MYO10: variants seen among roughly 807,000 people sequenced by gnomAD.
The protein encoded by MYO10 is unconventional myosin-X.
In MYO10, 133 loss-of-function variants were observed where a neutral mutation model predicts 257.3. The ratio of observed to expected loss-of-function variants is 0.52; its 90% CI spans 0.45 to 0.60. The LOEUF (loss-of-function observed/expected upper bound fraction) is 0.60. MYO10 is among the 20% of genes least tolerant of loss of function. The pLI, the probability that MYO10 is intolerant of heterozygous loss-of-function variation, is 0.00. For synonymous variants in MYO10, 1,104 were observed against 1,028.6 expected (o/e 1.07, Z -1.40); for missense variants, 2,399 against 2,635.7 (o/e 0.91, Z 1.97).
chr5:16,673,139 T>A (rs1189530978), intron 36 of MYO10, among the ~76,000 whole-genome samples: 1 of 151,972 alleles, frequency 6.6e-6, no homozygotes, highest in African/African-American at 2.4e-5. Flanking sequence ...CAGTCCTGTC[T>A]TTTGGCTGAT....
chr5:16,771,808 T>C (rs2126659869), intron 9 of MYO10, among the ~76,000 whole-genome samples: 1 of 151,620 alleles, frequency 6.6e-6, no homozygotes, highest in South Asian at 2.1e-4. Context: ...CTCAAACTCC[T>C]GCGCTCAAGC....
At chr5:16,733,534 C>A (rs138011643) in intron 19 of MYO10, among the ~76,000 whole-genome samples, 1 of 152,190 alleles carries the variant, frequency 6.6e-6, no homozygotes, top group East Asian at 1.9e-4. Context: ...GGCAAGTCCT[C>A]GGTAAATTCT....
chr5:16,783,211 G>A, intron 5 of MYO10, 124 bp downstream of exon 5: 1 of 989,982 alleles, frequency 1.0e-6, no homozygotes, highest in Admixed American at 3.1e-5. Context: ...TTTTCTTAAG[G>A]AATTGTAAAA....
chr5:16,680,759 C>T (rs781248791), intron 32 of MYO10, among the ~76,000 whole-genome samples: 4 of 152,188 alleles, frequency 2.6e-5, no homozygotes, highest in Admixed American at 6.5e-5. Context: ...TTATCTTTTA[C>T]AGGTTGCATA....
intron 11 of MYO10, among the ~76,000 whole-genome samples, chr5:16,765,198 G>A (rs1056828841): frequency 1.9e-4 from 29 of 152,276 alleles, no homozygotes; most frequent in African/African-American, 6.7e-4. Context: ...GTCTGTGTGG[G>A]TGACATCTGA....
chr5:16,733,085 G>A (rs113612345), intron 19 of MYO10, among the ~76,000 whole-genome samples: 11,285 of 152,272 alleles, frequency 0.074, 547 homozygotes, highest in South Asian at 0.14. Context: ...AGTGAGCTGA[G>A]ATCGTGCCAT....
At chr5:16,716,245 C>T (rs1738865268) in intron 19 of MYO10, among the ~76,000 whole-genome samples, 1 of 151,942 alleles carries the variant, frequency 6.6e-6, no homozygotes, top group African/African-American at 2.4e-5. Flanking sequence ...CTGAAAAATA[C>T]TATTTCAGAA....
Position 16,751,821 on chromosome 5 carries a change from G to A in MYO10, c.1929+3007C>T, listed in dbSNP as rs114076254. On this transcript the variant is annotated intron_variant, in intron 19 of 40. Coordinates refer to ENST00000513610, the MANE Select transcript of MYO10 (RefSeq NM_012334.3). ...AAGGGCACCAAGACATTCTTGGAAA[G>A]GTTTCTATAGCCTATCACTGGTGCG... is the stretch of plus-strand genomic sequence containing the variant. Among the ~76,000 whole-genome samples the A allele has an allele frequency of 3.4e-3, 511 of 152,180 alleles. 1 individual carries two copies. Among genetic ancestry groups the A allele is most frequent in the African/African-American group, 0.012 (490 of 41,532 alleles).
At chr5:16,672,663 T>C (rs1195265735) in intron 37 of MYO10, 26 bp downstream of exon 37, 2 of 1,613,630 alleles carry the variant, frequency 1.2e-6, no homozygotes, top group East Asian at 2.2e-5. Flanking sequence ...TTTGCTCTTC[T>C]GACACAGTAG....
Position 16,703,087 on chromosome 5 carries a change from C to A in MYO10, c.2348G>T (p.Arg783Met). 1 of 1,579,546 alleles carries A rather than the reference C, an allele frequency of 6.3e-7. No individual in the cohort carries two copies. The highest frequency in any genetic ancestry group is 8.6e-7 in the Non-Finnish European group (1 of 1,161,112). The change falls in exon 23 of 41, where the codon AGG becomes ATG. Residue 783 changes from arginine to methionine, a missense_variant. Around this residue, in one of 3 missense-constraint regions of MYO10, gnomAD observed 1,820 missense variants for 1,939.4 expected, o/e 0.94. Transcript: ENST00000513610. ...QKNYRAFLLR[R>M]RFLHLKKAAI... ...TGCCTTTTTCAGGTGCAAAAATCTC[C>A]TCCTCAGAAGGAATGCTCTGTAATT...
At chr5:16,855,299 TAATGTCCCGAACAGGG>T (rs942759089) in intron 2 of MYO10, among the ~76,000 whole-genome samples, 1 of 152,232 alleles carries the variant, frequency 6.6e-6, no homozygotes, top group African/African-American at 2.4e-5. Context: ...CCATTGCAGA[TAATGTCCCGAACAGGG>T]AACATCCAAA....
intron 19 of MYO10, among the ~76,000 whole-genome samples, chr5:16,716,336 TGCA>T (rs1738870058): frequency 1.3e-5 from 2 of 151,974 alleles, no homozygotes; most frequent in Middle Eastern, 3.2e-3. Flanking sequence ...CCTTACCTCC[TGCA>T]GCTTATTTAG....
Position 16,681,477 on chromosome 5 carries a change from T to C in MYO10, c.4216A>G (p.Ser1406Gly). 6.2e-7 allele frequency: 1 copy of C among 1,610,996 alleles called. No homozygotes were observed. ...AGTTTCAGTGAAGACATCTTTGGAC[T>C]GTTCTTCACCTCTTTGTGCAACCAT... ...RGWLHKEVKN[S>G]PKMSSLKLKK... Residue 1406 changes from serine to glycine, a missense_variant, in exon 32 of 41, where the codon AGT (serine) becomes GGT (glycine). Ser to Gly is a moderately conservative substitution (Grantham distance 56). Coordinates refer to ENST00000513610, the MANE Select transcript of MYO10 (RefSeq NM_012334.3).
At chr5:16,889,506 G>A (rs201746767) in intron 1 of MYO10, among the ~76,000 whole-genome samples, 2 of 56,844 alleles carry the variant, frequency 3.5e-5, no homozygotes, top group African/African-American at 1.2e-4. Context: ...AAGGAAGGAA[G>A]GAAGGAAGGA....
At chr5:16,881,238 T>C (rs1030794480) in intron 1 of MYO10, among the ~76,000 whole-genome samples, 1 of 152,214 alleles carries the variant, frequency 6.6e-6, no homozygotes, top group Non-Finnish European at 1.5e-5. Flanking sequence ...TGCAACATTA[T>C]CAAATTAATA....
intron 19 of MYO10, among the ~76,000 whole-genome samples, chr5:16,746,235 A>C (rs1454895414): frequency 6.6e-6 from 1 of 152,142 alleles, no homozygotes; most frequent in Non-Finnish European, 1.5e-5. Context: ...AGTGAGGACA[A>C]CCAGAGGTCA....
intron 19 of MYO10, among the ~76,000 whole-genome samples, chr5:16,742,727 C>G (rs774005331): frequency 2.6e-5 from 4 of 151,744 alleles, no homozygotes; most frequent in Admixed American, 6.6e-5. Flanking sequence ...AGGAGAATTG[C>G]TTGAAAACAG....
In MYO10 at chr5:16,758,179, T is replaced by A; in HGVS notation, c.1787A>T (p.Asn596Ile). 1 of 1,613,770 alleles carries A rather than the reference T, an allele frequency of 6.2e-7. No individual in the cohort carries two copies. Among genetic ancestry groups the A allele is most frequent in the Non-Finnish European group, 8.5e-7 (1 of 1,179,698 alleles). Residue 596 changes from asparagine (N) to isoleucine (I), a missense_variant, in exon 18 of 41, where the codon AAC (asparagine) becomes ATC (isoleucine). Asn to Ile is a moderately radical substitution (Grantham distance 149, BLOSUM62 -3). This residue lies in a region of MYO10 where 1,820 missense variants were observed against 1,939.4 expected (regional missense o/e 0.94). Transcript: ENST00000513610. ...GCTTCCACATTTCAAGGTATCCTGG[T>A]TGTTGCGGCTTGAAACATGTTCAAA... ...DLFEHVSSRN[N>I]QDTLKCGSKH...
At chr5:16,822,235 C>G (rs984690461) in intron 2 of MYO10, among the ~76,000 whole-genome samples, 1 of 150,986 alleles carries the variant, frequency 6.6e-6, no homozygotes, top group Non-Finnish European at 1.5e-5. Context: ...CGTTTACCTA[C>G]GTGACAAACT....
Sources: gnomAD v4.1 joint callset for allele counts (sites outside exome capture counted in the v4.1 genomes callset) on GRCh38, gnomAD v4.1.1 for gene constraint, gnomAD v4.1.1 regional missense constraint, MANE v1.5 for transcripts, NCBI Gene and HGNC (gene_info 2026-07-23, HGNC 2026-07-21) for gene names.